PHF21A: variants seen among roughly 807,000 people sequenced by gnomAD.
PHF21A encodes PHD finger protein 21A, also known as BHC80a.
Under a neutral mutation model 82.5 loss-of-function variants are expected in PHF21A, and 11 were observed. That is an observed-to-expected ratio of 0.13 (90% CI 0.08 to 0.22). PHF21A has a LOEUF of 0.22. PHF21A is among the 10% of genes least tolerant of loss of function. PHF21A has a pLI of 1.00. For synonymous variants in PHF21A, 297 were observed against 302.8 expected (o/e 0.98, Z 0.20); for missense variants, 579 against 837.8 (o/e 0.69, Z 3.81).
chr11:45,974,829 A>G (rs1210673702), intron 7 of PHF21A, among the ~76,000 whole-genome samples: 1 of 152,172 alleles, frequency 6.6e-6, no homozygotes. Context: ...CCTTTAAGAG[A>G]AGGTAGCTGT....
At chr11:46,000,178 C>G (rs1039570045) in intron 6 of PHF21A, among the ~76,000 whole-genome samples, 6 of 152,162 alleles carry the variant, frequency 3.9e-5, no homozygotes, top group Non-Finnish European at 7.3e-5. Flanking sequence ...AGAGAAGAAA[C>G]CAACATATTT....
In PHF21A at chr11:45,964,606, T is replaced by C. The variant is rs532341235; in HGVS notation, c.996+709A>G. Among the ~76,000 whole-genome samples, 12 of 152,316 alleles carry C rather than the reference T, an allele frequency of 7.9e-5. No homozygotes were observed. The South Asian group carries it at 2.5e-3, about 32-fold the overall frequency. On this transcript the variant is annotated intron_variant, in intron 10 of 18. Transcript: ENST00000676320. The stretch of plus-strand genomic sequence containing the variant: ...GAGAGAATGCTTTTCTTTGCCAAAT[T>C]CTTCTTTCTCATCACTAGTCGTTTT...
chr11:45,982,071 C>A (rs976797511), intron 6 of PHF21A, among the ~76,000 whole-genome samples: 1 of 151,162 alleles, frequency 6.6e-6, no homozygotes, highest in African/African-American at 2.4e-5. Context: ...ATCCTGTCAC[C>A]TCAACCTACC....
chr11:46,120,254 T>A (rs1169015974), intron 1 of PHF21A: 6 of 148,806 alleles, frequency 4.0e-5, no homozygotes, highest in Admixed American at 1.3e-4. Context: ...AAATTTTTTT[T>A]AATTAAATAA....
chr11:45,959,185 A>G (rs2092920301), intron 10 of PHF21A, among the ~76,000 whole-genome samples: 1 of 152,182 alleles, frequency 6.6e-6, no homozygotes, highest in South Asian at 2.1e-4. Flanking sequence ...GTGTAGAAAA[A>G]GCATTTGTCA....
intron 6 of PHF21A, among the ~76,000 whole-genome samples, chr11:46,000,962 T>C (rs1418596487): frequency 1.3e-5 from 2 of 152,002 alleles, no homozygotes; most frequent in African/African-American, 2.4e-5. Flanking sequence ...TAAATTTATA[T>C]GTCACTTTTT....
intron 7 of PHF21A, among the ~76,000 whole-genome samples, chr11:45,975,377 T>TAAAAC (rs55768306): frequency 0.041 from 5,321 of 130,276 alleles, 191 homozygotes; most frequent in Non-Finnish European, 0.048. Flanking sequence ...TAAAATAAAA[T>TAAAAC]AAAACAAAAC....
chr11:45,949,370 T>C (rs753086590), intron 13 of PHF21A, 32 bp downstream of exon 13: 2 of 1,570,984 alleles, frequency 1.3e-6, no homozygotes, highest in South Asian at 1.1e-5. Context: ...AACTGGAACA[T>C]GAGGGAAGGG....
intron 6 of PHF21A, among the ~76,000 whole-genome samples, chr11:45,982,877 T>G (rs1405485691): frequency 2.0e-5 from 3 of 152,088 alleles, no homozygotes; most frequent in Non-Finnish European, 4.4e-5. Flanking sequence ...AAAATAAACT[T>G]TGGACAAAAA....
In PHF21A at chr11:46,084,207, T is replaced by A. The variant is rs2096828505; in HGVS notation, c.13A>T (p.Thr5Ser). The A allele has an allele frequency of 1.9e-6, 3 of 1,601,066 alleles. No individual in the cohort carries two copies. The highest frequency in any genetic ancestry group is 2.6e-6 in the Non-Finnish European group (3 of 1,175,956). MELQ[T>S]LQEALKVEIQ... The stretch of plus-strand genomic sequence containing the variant: ...TCCACTTTAAGAGCCTCCTGTAGAG[T>A]CTGCAACTCCATCCTCTACCTTCTC... The change falls in exon 4 of 19, where the codon ACT becomes TCT. Residue 5 changes from threonine (T) to serine (S), a missense_variant. Thr to Ser is a moderately conservative substitution (Grantham distance 58). Transcript: ENST00000676320.
At chr11:46,023,891 G>C (rs1313929950) in intron 6 of PHF21A, among the ~76,000 whole-genome samples, 1 of 152,192 alleles carries the variant, frequency 6.6e-6, no homozygotes, top group African/African-American at 2.4e-5. Flanking sequence ...AGGAGGCGGA[G>C]GTTGCAGTGA....
intron 2 of PHF21A, among the ~76,000 whole-genome samples, chr11:46,091,321 C>T (rs552463444): frequency 3.9e-5 from 6 of 152,098 alleles, no homozygotes; most frequent in African/African-American, 1.2e-4. Flanking sequence ...TTTCATAATA[C>T]ACACTCTCCT....
intron 6 of PHF21A, among the ~76,000 whole-genome samples, chr11:46,037,170 AT>A (rs2096022644): frequency 6.6e-6 from 1 of 152,184 alleles, no homozygotes; most frequent in Admixed American, 6.5e-5. Flanking sequence ...ATTCTGACTA[AT>A]TCGGTGCACA....
intron 10 of PHF21A, among the ~76,000 whole-genome samples, chr11:45,955,750 T>C (rs2135632771): frequency 6.6e-6 from 1 of 152,344 alleles, no homozygotes; most frequent in South Asian, 2.1e-4. Context: ...GTGTCTTTCC[T>C]TCGTGGATCT....
intron 7 of PHF21A, among the ~76,000 whole-genome samples, chr11:45,978,753 C>T (rs2094154203): frequency 1.3e-5 from 2 of 152,150 alleles, no homozygotes; most frequent in African/African-American, 4.8e-5. Flanking sequence ...ATCCAAGTAT[C>T]ATTTGGAATA....
At chr11:45,941,747 G>A (rs972267553) in intron 15 of PHF21A, among the ~76,000 whole-genome samples, 4 of 152,180 alleles carry the variant, frequency 2.6e-5, no homozygotes, top group Admixed American at 1.3e-4. Context: ...TAAACCAGAC[G>A]GTAGGTAAGT....
intron 6 of PHF21A, among the ~76,000 whole-genome samples, chr11:46,002,751 A>G (rs1284446404): frequency 6.6e-6 from 1 of 152,198 alleles, no homozygotes; most frequent in Non-Finnish European, 1.5e-5. Flanking sequence ...CAGGGAATTT[A>G]GAGGCACCCC....
chr11:45,932,414 G>GCA lies in PHF21A; in HGVS notation c.*1552_*1553dup, dbSNP rs574608208. On this transcript the variant is annotated 3_prime_UTR_variant, in exon 19 of 19. Transcript: ENST00000676320. This position sits in a 1 kb window ranked among gnomAD's most constrained non-coding sequence, Gnocchi z 4.3. ...ACAAGATCCCTGCACCAAGAAGAGA[G>GCA]CACGGTCTTTTCTGAGGAGAGAGAA... The GCA allele has an allele frequency of 7.2e-5, 11 of 152,332 alleles. No individual in the cohort carries two copies. In the East Asian group the frequency reaches 2.1e-3, roughly 29 times the overall value. 9.4% of individuals were successfully genotyped at this position (152,332 alleles called of 1,614,324 possible).
chr11:45,935,480 C>CT, intron 18 of PHF21A, 156 bp downstream of exon 18: 1 of 652,982 alleles, frequency 1.5e-6, no homozygotes, highest in Non-Finnish European at 2.7e-6. Context: ...GGTCTGAACT[C>CT]TAACTGGATG....
Sources: gnomAD v4.1 joint callset for allele counts (sites outside exome capture counted in the v4.1 genomes callset) on GRCh38, gnomAD v4.1.1 for gene constraint, Gnocchi (gnomAD v3.1) non-coding constraint, MANE v1.5 for transcripts, NCBI Gene and HGNC (gene_info 2026-07-23, HGNC 2026-07-21) for gene names.